SNTG1: variants seen among roughly 807,000 people sequenced by gnomAD.
SNTG1 encodes gamma-1-syntrophin.
In SNTG1, 39 loss-of-function variants were observed where a neutral mutation model predicts 74.7. That is an observed-to-expected ratio of 0.52 (90% CI 0.40 to 0.68). The LOEUF (loss-of-function observed/expected upper bound fraction) is 0.68, where lower values mean the gene tolerates loss of function less well. Among genes scored for constraint, SNTG1 ranks in the 30% least tolerant of loss-of-function variants. The pLI is 0.00. For synonymous variants in SNTG1, 254 were observed against 217.1 expected, an observed-to-expected ratio of 1.17 and a Z score of -1.49; for missense variants, 685 against 609.5, an observed-to-expected ratio of 1.12 and a Z score of -1.30.
At chr8:50,085,831 A>T (rs1287012280) in intron 1 of SNTG1, among the ~76,000 whole-genome samples, 1 of 152,166 alleles carries the variant, frequency 6.6e-6, no homozygotes, top group East Asian at 1.9e-4. Context: ...GGGTTTGGAA[A>T]ACTCTTATAA....
chr8:50,307,164 T>C (rs1245131764), intron 2 of SNTG1, among the ~76,000 whole-genome samples: 1 of 152,068 alleles, frequency 6.6e-6, no homozygotes, highest in Non-Finnish European at 1.5e-5. Flanking sequence ...TTGGCTATTA[T>C]GAATAGTTCT....
rs2095696419 is a variant in SNTG1, at chr8:50,793,248, T to C, written c.*419T>C. ...CAGAGTCATAGGAAAACAAATGCCC[T>C]ATCTTGTATTATGAGGGACATAAAA... On this transcript the variant is annotated 3_prime_UTR_variant, in exon 19 of 19. Coordinates refer to ENST00000642720, the MANE Select transcript of SNTG1 (RefSeq NM_018967.5). 6.5e-6 allele frequency: 1 copy of C among 152,702 alleles called. No homozygotes were observed. Among genetic ancestry groups the C allele is most frequent in the South Asian group, 2.1e-4 (1 of 4,844 alleles). 9.5% of individuals were successfully genotyped at this position (152,702 alleles called of 1,614,324 possible). A position where few individuals can be genotyped will look rare whatever the true frequency, so the allele number is the denominator to read the frequency against.
intron 2 of SNTG1, among the ~76,000 whole-genome samples, chr8:50,361,812 G>A (rs1315629570): frequency 6.6e-6 from 1 of 152,082 alleles, no homozygotes; most frequent in Non-Finnish European, 1.5e-5. Context: ...CACCTGTACA[G>A]CACATTACTA....
chr8:50,046,872 T>C (rs1455820435), intron 1 of SNTG1, among the ~76,000 whole-genome samples: 1 of 152,220 alleles, frequency 6.6e-6, no homozygotes, highest in Non-Finnish European at 1.5e-5. Flanking sequence ...AACCAAATTA[T>C]TAGCCTTTAT....
intron 15 of SNTG1, among the ~76,000 whole-genome samples, chr8:50,702,659 C>T (rs982303136): frequency 6.6e-5 from 10 of 152,054 alleles, no homozygotes; most frequent in African/African-American, 2.4e-4. Flanking sequence ...AGCATATATA[C>T]AGTCATTTAA....
At chr8:50,585,584 G>T (rs2094642877) in intron 12 of SNTG1, among the ~76,000 whole-genome samples, 1 of 152,088 alleles carries the variant, frequency 6.6e-6, no homozygotes, top group Non-Finnish European at 1.5e-5. Context: ...TTAAAATGAT[G>T]CAGAGAATTT....
intron 2 of SNTG1, among the ~76,000 whole-genome samples, chr8:50,240,788 G>C (rs149311638): frequency 3.4e-4 from 51 of 152,210 alleles, no homozygotes; most frequent in African/African-American, 1.2e-3. Flanking sequence ...ATAAACTAAT[G>C]CTTAAACAAA....
chr8:50,485,578 T>G (rs1303030743), intron 8 of SNTG1, among the ~76,000 whole-genome samples: 1 of 150,322 alleles, frequency 6.7e-6, no homozygotes, highest in African/African-American at 2.4e-5. Flanking sequence ...TAGCCCTTTG[T>G]CAGATGAGTA....
intron 11 of SNTG1, among the ~76,000 whole-genome samples, chr8:50,540,830 AT>A (rs1203165115): frequency 2.0e-5 from 3 of 151,998 alleles, no homozygotes; most frequent in Non-Finnish European, 4.4e-5. Context: ...ATCTACTTGT[AT>A]ATTCTTCTAT....
intron 13 of SNTG1, among the ~76,000 whole-genome samples, chr8:50,632,282 T>A (rs1270824533): frequency 6.7e-6 from 1 of 150,088 alleles, no homozygotes; most frequent in Non-Finnish European, 1.5e-5. Context: ...ATAGTCTTTT[T>A]AATTTTATTT....
At position 50,641,210 on chromosome 8, in the gene SNTG1, C is replaced by T. The variant is rs186904672; in HGVS notation, c.850-15699C>T. 4.8e-3 allele frequency among the ~76,000 whole-genome samples: 728 copies of T among 152,262 alleles called. 4 individuals are homozygous for T. The highest frequency in any genetic ancestry group is 7.6e-3 in the Non-Finnish European group (515 of 68,020). On this transcript the variant is annotated intron_variant, in intron 13 of 18. Coordinates refer to ENST00000642720, the MANE Select transcript of SNTG1 (RefSeq NM_018967.5). ...AAGCAACCTGCAATTATTCTTTCTT[C>T]CCCCAGTCTATTCTCTCCATTTCTT...
At chr8:50,369,135 C>A (rs532612742) in intron 2 of SNTG1, among the ~76,000 whole-genome samples, 4 of 152,060 alleles carry the variant, frequency 2.6e-5, no homozygotes, top group African/African-American at 9.7e-5. Context: ...TTGGGGGAAC[C>A]AAGGGAAGAA....
intron 13 of SNTG1, among the ~76,000 whole-genome samples, chr8:50,597,319 GTATATATACACA>G (rs946440942): frequency 2.1e-4 from 30 of 145,742 alleles, no homozygotes; most frequent in Non-Finnish European, 3.6e-4. Context: ...ATATATACAC[GTATATATACACA>G]TATATATACA....
In SNTG1 at chr8:50,067,653, C is replaced by A. The variant is rs111841308; in HGVS notation, c.-102-104908C>A. On this transcript the variant is annotated intron_variant, in intron 1 of 18. Coordinates refer to ENST00000642720, the MANE Select transcript of SNTG1 (RefSeq NM_018967.5). The stretch of plus-strand genomic sequence containing the variant: ...ACTCATGTATTATTTTTGTTAGGTA[C>A]AAACCCACAGTTGACCAACTTTCTC... Among the ~76,000 whole-genome samples, 11 of 152,250 alleles carry A rather than the reference C, an allele frequency of 7.2e-5. 1 individual carries two copies. The highest frequency in any genetic ancestry group is 2.4e-4 in the African/African-American group (10 of 41,556).
intron 2 of SNTG1, among the ~76,000 whole-genome samples, chr8:50,230,596 A>G (rs964772149): frequency 6.6e-6 from 1 of 151,402 alleles, no homozygotes; most frequent in Non-Finnish European, 1.5e-5. Flanking sequence ...ATAGGACAAG[A>G]TCGTTTCATT....
chr8:50,506,054 T>A (rs2094003764), intron 9 of SNTG1, among the ~76,000 whole-genome samples: 1 of 152,104 alleles, frequency 6.6e-6, no homozygotes. Flanking sequence ...TGCCCAACAT[T>A]CTTTTGCATG....
intron 18 of SNTG1, among the ~76,000 whole-genome samples, chr8:50,754,030 T>G (rs954703147): frequency 1.3e-5 from 2 of 151,966 alleles, no homozygotes; most frequent in Non-Finnish European, 2.9e-5. Flanking sequence ...GAACATTACC[T>G]CTGCTGACAT....
chr8:49,971,170 C>T (rs897933125), intron 1 of SNTG1, among the ~76,000 whole-genome samples: 2 of 152,104 alleles, frequency 1.3e-5, no homozygotes, highest in African/African-American at 2.4e-5. Context: ...GCTTATTCAC[C>T]ATGATCAAGA....
chr8:50,103,875 A>C (rs1216815536), intron 1 of SNTG1, among the ~76,000 whole-genome samples: 1 of 152,034 alleles, frequency 6.6e-6, no homozygotes, highest in African/African-American at 2.4e-5. Flanking sequence ...ATTGATTTGC[A>C]AATATTGAAC....
Sources: gnomAD v4.1 joint callset for allele counts (sites outside exome capture counted in the v4.1 genomes callset) on GRCh38, gnomAD v4.1.1 for gene constraint, MANE v1.5 for transcripts, NCBI Gene and HGNC (gene_info 2026-07-23, HGNC 2026-07-21) for gene names.